The following PLPPR1 variants were observed in gnomAD, a reference collection of about 807,000 sequenced individuals.
PLPPR1 encodes phospholipid phosphatase related 1, also known as phospholipid phosphatase-related protein type 1.
In PLPPR1, 10 loss-of-function variants were observed where a neutral mutation model predicts 33.1. That is an observed-to-expected ratio of 0.30 (90% CI 0.19 to 0.51). PLPPR1 has a LOEUF of 0.51. Among genes scored for constraint, PLPPR1 ranks in the 20% least tolerant of loss-of-function variants. PLPPR1 has a pLI of 0.97. For missense variants in PLPPR1, 304 were observed against 408.1 expected, an observed-to-expected ratio of 0.74 and a Z score of 2.20; for synonymous variants, 151 against 151.0, an observed-to-expected ratio of 1.00 and a Z score of 0.00.
chr9:101,044,265 G>A (rs138669984), intron 1 of PLPPR1, among the ~76,000 whole-genome samples: 9 of 152,280 alleles, frequency 5.9e-5, no homozygotes, highest in East Asian at 3.9e-4. Flanking sequence ...GCTCTCTTGC[G>A]TATTTTGGGC....
At chr9:101,130,918 T>G (rs2118612404) in intron 1 of PLPPR1, among the ~76,000 whole-genome samples, 1 of 152,338 alleles carries the variant, frequency 6.6e-6, no homozygotes, top group African/African-American at 2.4e-5. Context: ...CTCTTACTAC[T>G]TACAGAGGAA....
chr9:101,210,939 T>C (rs2118767051), intron 2 of PLPPR1, among the ~76,000 whole-genome samples: 1 of 152,238 alleles, frequency 6.6e-6, no homozygotes, highest in Non-Finnish European at 1.5e-5. Flanking sequence ...GGCTAATTTT[T>C]TGTATTTTTA....
chr9:101,194,827 T>C (rs1826367767), intron 2 of PLPPR1, among the ~76,000 whole-genome samples: 1 of 152,166 alleles, frequency 6.6e-6, no homozygotes, highest in South Asian at 2.1e-4. Flanking sequence ...GACCACAGGT[T>C]GTGATTGTAG....
intron 1 of PLPPR1, among the ~76,000 whole-genome samples, chr9:101,163,120 CT>C (rs1301264390): frequency 6.6e-6 from 1 of 152,072 alleles, no homozygotes; most frequent in Admixed American, 6.6e-5. Context: ...AATTAATGAT[CT>C]TTTTATCTGT....
At chr9:101,096,039 TC>T (rs1830813379) in intron 1 of PLPPR1, among the ~76,000 whole-genome samples, 1 of 152,118 alleles carries the variant, frequency 6.6e-6, no homozygotes, top group Non-Finnish European at 1.5e-5. Flanking sequence ...CACATTCAAA[TC>T]CAGTAAAAGC....
chr9:101,109,248 A>G (rs1831020319), intron 1 of PLPPR1, among the ~76,000 whole-genome samples: 1 of 149,700 alleles, frequency 6.7e-6, no homozygotes, highest in Admixed American at 6.7e-5. Context: ...TGCTGGGATT[A>G]CAGGTGTGAG....
At chr9:101,260,510 G>A (rs147785119) in intron 2 of PLPPR1, among the ~76,000 whole-genome samples, 10 of 152,164 alleles carry the variant, frequency 6.6e-5, no homozygotes, top group African/African-American at 2.2e-4. Flanking sequence ...CAGGTATGGC[G>A]TGAAGAGAAA....
intron 1 of PLPPR1, among the ~76,000 whole-genome samples, chr9:101,132,965 C>T (rs1831330727): frequency 6.6e-6 from 1 of 152,122 alleles, no homozygotes; most frequent in Non-Finnish European, 1.5e-5. Context: ...TGTGTTCTCT[C>T]AGGTCTAAAT....
intron 1 of PLPPR1, among the ~76,000 whole-genome samples, chr9:101,048,087 CTTT>C (rs1346762849): frequency 1.3e-5 from 2 of 152,180 alleles, no homozygotes; most frequent in Non-Finnish European, 2.9e-5. Flanking sequence ...TCACCTGCTC[CTTT>C]ATCGCATGTG....
intron 2 of PLPPR1, among the ~76,000 whole-genome samples, chr9:101,190,414 T>C (rs1200249381): frequency 6.6e-6 from 1 of 152,212 alleles, no homozygotes; most frequent in Non-Finnish European, 1.5e-5. Flanking sequence ...CACTAAGTTC[T>C]TCATAGAGCC....
intron 1 of PLPPR1, among the ~76,000 whole-genome samples, chr9:101,130,019 G>A (rs543515578): frequency 3.9e-5 from 6 of 152,246 alleles, no homozygotes; most frequent in African/African-American, 1.4e-4. Flanking sequence ...CTGGGGATGA[G>A]AAAACAGAGC....
At chr9:101,153,921 G>C (rs185325459) in intron 1 of PLPPR1, among the ~76,000 whole-genome samples, 2 of 152,038 alleles carry the variant, frequency 1.3e-5, no homozygotes, top group African/African-American at 2.4e-5. Context: ...TAGCATGAAG[G>C]GCTGTTGAAT....
intron 1 of PLPPR1, among the ~76,000 whole-genome samples, chr9:101,061,114 G>C (rs1830342676): frequency 6.6e-6 from 1 of 151,820 alleles, no homozygotes; most frequent in African/African-American, 2.4e-5. Flanking sequence ...GATTGGGCCT[G>C]CATGTCTTTG....
intron 5 of PLPPR1, among the ~76,000 whole-genome samples, chr9:101,311,719 A>C (rs1045611736): frequency 2.0e-5 from 3 of 152,216 alleles, no homozygotes; most frequent in African/African-American, 7.2e-5. Context: ...TAGAATATTA[A>C]GAATTTCTAT....
chr9:101,275,808 A>G (rs1253878086), intron 3 of PLPPR1, among the ~76,000 whole-genome samples: 1 of 152,238 alleles, frequency 6.6e-6, no homozygotes, highest in Non-Finnish European at 1.5e-5. Context: ...GTAGCAGAAC[A>G]TGACTTCCAG....
chr9:101,167,606 C>A (rs1267452010), intron 1 of PLPPR1, among the ~76,000 whole-genome samples: 1 of 152,028 alleles, frequency 6.6e-6, no homozygotes, highest in African/African-American at 2.4e-5. Flanking sequence ...AGAACTAGTG[C>A]AGACATCAAA....
intron 1 of PLPPR1, among the ~76,000 whole-genome samples, chr9:101,078,894 C>G (rs145009849): frequency 6.6e-6 from 1 of 152,226 alleles, no homozygotes; most frequent in East Asian, 1.9e-4. Context: ...TGATTCTGAC[C>G]TCCTTTTGTA....
intron 2 of PLPPR1, among the ~76,000 whole-genome samples, chr9:101,202,064 A>G (rs1258071647): frequency 6.6e-6 from 1 of 152,200 alleles, no homozygotes; most frequent in Non-Finnish European, 1.5e-5. Flanking sequence ...ATCAGGTCCA[A>G]CCAGTTTGGA....
intron 1 of PLPPR1, among the ~76,000 whole-genome samples, chr9:101,106,204 GTGC>G (rs1830967073): frequency 6.8e-6 from 1 of 148,146 alleles, no homozygotes; most frequent in Non-Finnish European, 1.5e-5. Context: ...ATGTTAGCTG[GTGC>G]TTTTGCTCGT....
Sources: gnomAD v4.1 joint callset for allele counts (sites outside exome capture counted in the v4.1 genomes callset) on GRCh38, gnomAD v4.1.1 for gene constraint, MANE v1.5 for transcripts, NCBI Gene and HGNC (gene_info 2026-07-23, HGNC 2026-07-21) for gene names.